DGCR8: variants seen among roughly 807,000 people sequenced by gnomAD.
DGCR8 encodes DGCR8 microprocessor complex subunit.
In DGCR8, 14 loss-of-function variants were observed where a neutral mutation model predicts 78.5. That is an observed-to-expected ratio of 0.18 (90% confidence interval 0.12 to 0.28). DGCR8 has a LOEUF of 0.28. DGCR8 is among the 10% of genes least tolerant of loss of function. DGCR8 has a pLI of 1.00. For synonymous variants in DGCR8, 399 were observed against 402.4 expected, an observed-to-expected ratio of 0.99 and a Z score of 0.10; for missense variants, 702 against 1,022.5, an observed-to-expected ratio of 0.69 and a Z score of 4.28.
chr22:20,087,261 C>A lies in DGCR8; in HGVS notation c.820C>A (p.Pro274Thr). 1 of 1,614,008 alleles carries A rather than the reference C, an allele frequency of 6.2e-7. No homozygotes were observed. Among genetic ancestry groups the A allele is most frequent in the Non-Finnish European group, 8.5e-7 (1 of 1,179,922 alleles). ...AAAATATGGCGGAGACAGCGACCAT[C>A]CGTCCGATGGAGAGACAAGTGTGCA... ...EEKYGGDSDH[P>T]SDGETSVQPM... Residue 274 changes from proline (P) to threonine (T), a missense_variant, in exon 3 of 14, where the codon CCG (proline) becomes ACG (threonine). Transcript: ENST00000351989. This position sits in a 1 kb window ranked among gnomAD's most constrained non-coding sequence, Gnocchi z 4.1.
intron 9 of DGCR8, among the ~76,000 whole-genome samples, chr22:20,098,659 T>C (rs1485894251): frequency 6.6e-6 from 1 of 152,202 alleles, no homozygotes; most frequent in Non-Finnish European, 1.5e-5. Context: ...CTCAAAGTTC[T>C]GGAAGCCAGA....
chr22:20,109,843 A>G (rs779777210), intron 13 of DGCR8, among the ~76,000 whole-genome samples, 182 bp from the exon 14 acceptor site: 7 of 152,170 alleles, frequency 4.6e-5, no homozygotes, highest in Non-Finnish European at 1.5e-5. Flanking sequence ...GGCCTCTGCA[A>G]TCTCAGGCTG....
intron 7 of DGCR8, among the ~76,000 whole-genome samples, chr22:20,092,497 G>T (rs1035795223): frequency 2.6e-5 from 4 of 152,204 alleles, no homozygotes; most frequent in Non-Finnish European, 5.9e-5. Flanking sequence ...CATTCCGGCA[G>T]TCCTGTGTCC....
intron 12 of DGCR8, chr22:20,108,667 C>T (rs2049798300): frequency 2.5e-6 from 1 of 395,132 alleles, no homozygotes; most frequent in Admixed American, 3.7e-5. Flanking sequence ...AAAGGCCTGG[C>T]AGCTATGGAC....
intron 9 of DGCR8, among the ~76,000 whole-genome samples, chr22:20,095,763 G>A (rs2049621750): frequency 6.6e-6 from 1 of 152,098 alleles, no homozygotes; most frequent in South Asian, 2.1e-4. Context: ...AATATGTAAT[G>A]TAATCACTAT....
At chr22:20,082,088 G>A (rs186835315) in intron 1 of DGCR8, among the ~76,000 whole-genome samples, 18 of 144,572 alleles carry the variant, frequency 1.2e-4, no homozygotes, top group African/African-American at 4.6e-4. Flanking sequence ...ACAGAATCTC[G>A]CTCTGTCGCC....
At chr22:20,080,604 C>G (rs997430828) in intron 1 of DGCR8, 2 of 531,806 alleles carry the variant, frequency 3.8e-6, no homozygotes, top group African/African-American at 2.0e-5. Flanking sequence ...CAGGCGTTGC[C>G]GACTCTCGTC....
Position 20,087,261 on chromosome 22 carries a change from C to T in DGCR8, c.820C>T (p.Pro274Ser). The T allele has an allele frequency of 6.2e-7, 1 of 1,614,008 alleles. No individual in the cohort carries two copies. Among genetic ancestry groups the T allele is most frequent in the Non-Finnish European group, 8.5e-7 (1 of 1,179,922 alleles). ...EEKYGGDSDH[P>S]SDGETSVQPM... Reference sequence around the variant, plus strand: ...AAAATATGGCGGAGACAGCGACCATCCGTCCGATGGAGAGACAAGTGTGCA... The same window carrying T: ...AAAATATGGCGGAGACAGCGACCATTCGTCCGATGGAGAGACAAGTGTGCA... Residue 274 changes from proline to serine, a missense_variant, in exon 3 of 14, where the codon CCG becomes TCG. Transcript: ENST00000351989. The surrounding 1 kb of genome is among the most constrained non-coding windows in gnomAD (Gnocchi z 4.1).
chr22:20,090,095 C>T lies in DGCR8; in HGVS notation c.1143C>T (p.Pro381=). 6.2e-7 allele frequency: 1 copy of T among 1,614,262 alleles called. No individual in the cohort carries two copies. The highest frequency in any genetic ancestry group is 1.3e-5 in the African/African-American group (1 of 75,064). ...TPSGDVSPVK[P]LSRSAELEFP... Reference sequence around the variant, plus strand: ...GTGGGGATGTGTCCCCCGTCAAGCCCCTGAGCCGATCTGCAGAGCTGGAGT... The same window carrying T: ...GTGGGGATGTGTCCCCCGTCAAGCCTCTGAGCCGATCTGCAGAGCTGGAGT... The change falls in exon 5 of 14, where the codon CCC becomes CCT. Residue 381 remains proline (P), a synonymous_variant. Transcript: ENST00000351989.
At position 20,089,518 on chromosome 22, in the gene DGCR8, C is replaced by T; in HGVS notation, c.881-151C>T. The T allele has an allele frequency of 1.2e-6, 1 of 826,986 alleles. No homozygotes were observed. Among genetic ancestry groups the T allele is most frequent in the Non-Finnish European group, 1.9e-6 (1 of 523,232 alleles). 51.2% of individuals were successfully genotyped at this position (826,986 alleles called of 1,614,324 possible). A position where few individuals can be genotyped will look rare whatever the true frequency, so the allele number is the denominator to read the frequency against. Reference sequence around the variant, plus strand: ...ATCTGTCCTAGGCCTGGAGGCATAGCAGTGAGCAAGGCAGAGAGGAATTTC... The same window carrying T: ...ATCTGTCCTAGGCCTGGAGGCATAGTAGTGAGCAAGGCAGAGAGGAATTTC... On this transcript the variant is annotated intron_variant, in intron 3 of 13. Coordinates refer to ENST00000351989, the MANE Select transcript of DGCR8 (RefSeq NM_022720.7). This position sits in a 1 kb window ranked among gnomAD's most constrained non-coding sequence, Gnocchi z 4.9.
intron 12 of DGCR8, chr22:20,107,756 G>C (rs2049787738): frequency 6.6e-6 from 2 of 302,392 alleles, no homozygotes; most frequent in Middle Eastern, 1.1e-3. Flanking sequence ...AGCTCTCCCT[G>C]CTTGAAGGAG....
intron 9 of DGCR8, among the ~76,000 whole-genome samples, chr22:20,104,105 C>T (rs2904565): frequency 0.13 from 19,852 of 151,632 alleles, 1,692 homozygotes; most frequent in Non-Finnish European, 0.19. Context: ...GGTTAACCCT[C>T]AGTAGCACAT....
intron 8 of DGCR8, 143 bp from the exon 9 acceptor site, chr22:20,094,570 T>C: frequency 1.4e-6 from 1 of 728,692 alleles, no homozygotes; most frequent in Non-Finnish European, 2.4e-6. Flanking sequence ...CCTGACCCTG[T>C]CACTGAAGTG....
chr22:20,110,950 TAA>T lies in DGCR8; in HGVS notation c.*844_*845del, dbSNP rs2049834062. 1 of 387,398 alleles carries T rather than the reference TAA, an allele frequency of 2.6e-6. No individual in the cohort carries two copies. Among genetic ancestry groups the T allele is most frequent in the African/African-American group, 2.1e-5 (1 of 48,444 alleles). The allele number at this position is 387,398 out of a possible 1,614,324, so 24.0% of individuals were successfully genotyped here. On this transcript the variant is annotated 3_prime_UTR_variant, in exon 14 of 14. Coordinates refer to ENST00000351989, the MANE Select transcript of DGCR8 (RefSeq NM_022720.7). ...GTCCATATGTCCACCCATTGATTTT[TAA>T]AGCTTTTGTGATATTTTAGCATTTT...
Position 20,087,386 on chromosome 22 carries a change from A to G in DGCR8, c.880+65A>G, listed in dbSNP as rs2049499429. On this transcript the variant is annotated intron_variant, in intron 3 of 13. Coordinates refer to ENST00000351989, the MANE Select transcript of DGCR8 (RefSeq NM_022720.7). The surrounding 1 kb of genome is among the most constrained non-coding windows in gnomAD (Gnocchi z 4.1). Reference sequence around the variant, plus strand: ...GTGGAGGGGTGGTTGCTTCCTTAGCAGAAATGCTTTGAGAGAGCTCTGGTG... The same window carrying G: ...GTGGAGGGGTGGTTGCTTCCTTAGCGGAAATGCTTTGAGAGAGCTCTGGTG... 1.3e-6 allele frequency: 2 copies of G among 1,526,206 alleles called. No homozygotes were observed. The highest frequency in any genetic ancestry group is 1.8e-6 in the Non-Finnish European group (2 of 1,130,558). 94.5% of individuals were successfully genotyped at this position (1,526,206 alleles called of 1,614,324 possible).
intron 6 of DGCR8, 112 bp from the exon 7 acceptor site, chr22:20,091,757 G>T: frequency 1.3e-6 from 2 of 1,484,088 alleles, no homozygotes; most frequent in Non-Finnish European, 1.9e-6. Flanking sequence ...TGAATGCAGG[G>T]GTCTGCCACA....
rs867573230 is a variant in DGCR8, at chr22:20,111,712, C to G, written c.*1604C>G. ...ACTCTTGTGGTCTCTGTGCGCCCCC[C>G]CCCCCCCCCCACCCGTCTGCCAAGC... On this transcript the variant is annotated 3_prime_UTR_variant, in exon 14 of 14. Transcript: ENST00000351989. The G allele has an allele frequency of 0.013, 2,211 of 163,796 alleles. 228 individuals carry two copies. The highest frequency in any genetic ancestry group is 0.1 in the Admixed American group (1,272 of 12,592). 10.1% of individuals were successfully genotyped at this position (163,796 alleles called of 1,614,324 possible). A position where few individuals can be genotyped will look rare whatever the true frequency, so the allele number is the denominator to read the frequency against.
intron 3 of DGCR8, among the ~76,000 whole-genome samples, chr22:20,088,006 G>C (rs1221967260): frequency 6.6e-6 from 1 of 152,094 alleles, no homozygotes; most frequent in Non-Finnish European, 1.5e-5. Context: ...GTGGGGCTCG[G>C]TAGAGGGACT....
chr22:20,098,503 CTCTGGAA>C (rs1296959672), intron 9 of DGCR8, among the ~76,000 whole-genome samples: 4 of 152,192 alleles, frequency 2.6e-5, no homozygotes, highest in Admixed American at 2.6e-4. Flanking sequence ...TATATGGCAA[CTCTGGAA>C]ATCACATTAC....
Sources: allele counts gnomAD v4.1 joint callset (sites outside exome capture counted in the v4.1 genomes callset), GRCh38; gene constraint gnomAD v4.1.1; non-coding constraint Gnocchi (gnomAD v3.1); transcripts MANE v1.5; gene names NCBI Gene and HGNC (gene_info 2026-07-23, HGNC 2026-07-21).